Variants in GRM7 observed in about 807,000 individuals in gnomAD.
The protein encoded by GRM7 is metabotropic glutamate receptor 7.
Under a neutral mutation model 84.5 loss-of-function variants are expected in GRM7, and 35 were observed. The ratio of observed to expected loss-of-function variants is 0.41; its 90% CI spans 0.32 to 0.55. The LOEUF is 0.55. Among genes scored for constraint, GRM7 ranks in the 20% least tolerant of loss-of-function variants. The pLI is 0.19. For synonymous variants in GRM7, 487 were observed against 455.1 expected (o/e 1.07, Z -0.89); for missense variants, 1,003 against 1,194.6 (o/e 0.84, Z 2.36).
rs1460401015 is a variant in GRM7 at position 7,162,804 on chromosome 3, G to C, written c.736+16136G>C. Among the ~76,000 whole-genome samples the C allele has an allele frequency of 3.5e-5, 4 of 114,386 alleles. No homozygotes were observed. In the East Asian group the frequency reaches 1.1e-3, roughly 31 times the overall value. The allele number at this position is 114,386 out of a possible 152,430, so 75.0% of individuals were successfully genotyped here. ...AGATGGAGTCTCATTCTGTTGCCCAGGCTGGAGTGCAGTGGTGTGATCTCA... is the reference window on the plus strand; with the variant it reads ...AGATGGAGTCTCATTCTGTTGCCCACGCTGGAGTGCAGTGGTGTGATCTCA... On this transcript the variant is annotated intron_variant, in intron 2 of 9. Coordinates refer to ENST00000357716, the MANE Select transcript of GRM7 (RefSeq NM_000844.4).
intron 2 of GRM7, among the ~76,000 whole-genome samples, chr3:7,157,519 C>A (rs1436562462): frequency 6.6e-6 from 1 of 151,386 alleles, no homozygotes. Flanking sequence ...TCTTTTTCCT[C>A]TAACTAGATC....
At chr3:7,469,725 A>T (rs1698619268) in intron 7 of GRM7, among the ~76,000 whole-genome samples, 1 of 152,172 alleles carries the variant, frequency 6.6e-6, no homozygotes, top group South Asian at 2.1e-4. Context: ...ATTTAACCTG[A>T]CACCACAGTA....
At chr3:7,452,863 A>G (rs1697833432) in intron 6 of GRM7, 56 bp downstream of exon 6, 8 of 1,086,276 alleles carry the variant, frequency 7.4e-6, no homozygotes, top group Non-Finnish European at 1.1e-5. Flanking sequence ...ATTCTGTTTC[A>G]TAAGTTTTAA....
intron 1 of GRM7, among the ~76,000 whole-genome samples, chr3:6,979,911 A>G (rs1694132855): frequency 6.6e-6 from 1 of 152,156 alleles, no homozygotes; most frequent in African/African-American, 2.4e-5. Flanking sequence ...TCCAATATAT[A>G]CTGATGTGTA....
intron 2 of GRM7, among the ~76,000 whole-genome samples, chr3:7,282,495 T>C (rs1699287843): frequency 6.6e-6 from 1 of 152,216 alleles, no homozygotes. Context: ...ATGACACTTG[T>C]CATCACTAGA....
At chr3:7,500,645 T>C (rs1699855253) in intron 7 of GRM7, among the ~76,000 whole-genome samples, 1 of 152,232 alleles carries the variant, frequency 6.6e-6, no homozygotes, top group Non-Finnish European at 1.5e-5. Context: ...ATGGATTGGA[T>C]TGTTGTTTGT....
rs1243538570 is a variant in GRM7 at position 7,499,229 on chromosome 3, C to A, written c.1515+37507C>A. Among the ~76,000 whole-genome samples the A allele has an allele frequency of 3.9e-5, 6 of 152,194 alleles. No individual in the cohort carries two copies. The East Asian group carries it at 7.7e-4, about 20-fold the overall frequency. ...GCTTCTTTTCTGGCACTTGCAGGCACCCAGAAAGTGTCCCAGCAGAAACCA... is the reference window on the plus strand; with the variant it reads ...GCTTCTTTTCTGGCACTTGCAGGCAACCAGAAAGTGTCCCAGCAGAAACCA... On this transcript the variant is annotated intron_variant, in intron 7 of 9. Coordinates refer to ENST00000357716, the MANE Select transcript of GRM7 (RefSeq NM_000844.4).
intron 2 of GRM7, among the ~76,000 whole-genome samples, chr3:7,192,894 T>C (rs1342692006): frequency 6.6e-6 from 1 of 152,116 alleles, no homozygotes; most frequent in South Asian, 2.1e-4. Flanking sequence ...ATCCTGCCAA[T>C]AACCTCTTGG....
intron 1 of GRM7, chr3:6,892,764 G>T (rs1050659864): frequency 6.6e-6 from 1 of 152,166 alleles, no homozygotes; most frequent in South Asian, 2.1e-4. Context: ...CCTCTGTGCT[G>T]GGCCACAGGC....
intron 1 of GRM7, among the ~76,000 whole-genome samples, chr3:7,099,180 T>C (rs1559438649): frequency 6.7e-6 from 1 of 148,708 alleles, no homozygotes; most frequent in Non-Finnish European, 1.5e-5. Flanking sequence ...GCAGGTTTAA[T>C]TGCATATATA....
intron 7 of GRM7, among the ~76,000 whole-genome samples, chr3:7,516,476 C>CAAAAAAAAA (rs34508559): frequency 1.2e-4 from 5 of 42,468 alleles, no homozygotes; most frequent in Admixed American, 4.3e-4. Flanking sequence ...GACTCCCTCT[C>CAAAAAAAAA]AAAAAAAAAA....
intron 8 of GRM7, among the ~76,000 whole-genome samples, chr3:7,591,996 G>C (rs1344717027): frequency 1.3e-5 from 2 of 152,042 alleles, no homozygotes; most frequent in East Asian, 3.8e-4. Flanking sequence ...CAGTTTCCTT[G>C]TTTATAAAAT....
chr3:7,640,250 G>T (rs1315609244), intron 8 of GRM7, among the ~76,000 whole-genome samples: 1 of 152,204 alleles, frequency 6.6e-6, no homozygotes, highest in Non-Finnish European at 1.5e-5. Flanking sequence ...ATGGAAGCAA[G>T]ATAGCATGAT....
intron 7 of GRM7, among the ~76,000 whole-genome samples, chr3:7,571,617 T>C (rs1694663932): frequency 2.0e-5 from 3 of 152,126 alleles, no homozygotes; most frequent in African/African-American, 7.2e-5. Context: ...CTTTAGAGAG[T>C]TCCAAACTTT....
chr3:7,596,437 A>G (rs1379581602), intron 8 of GRM7, among the ~76,000 whole-genome samples: 1 of 152,216 alleles, frequency 6.6e-6, no homozygotes, highest in Non-Finnish European at 1.5e-5. Flanking sequence ...AGATGAGATC[A>G]TGTAGGCATA....
At chr3:6,988,874 A>G (rs1694525967) in intron 1 of GRM7, among the ~76,000 whole-genome samples, 1 of 152,228 alleles carries the variant, frequency 6.6e-6, no homozygotes, top group Non-Finnish European at 1.5e-5. Flanking sequence ...AGGCCACATA[A>G]GTAAATATTC....
chr3:7,726,138 T>C (rs185835065), intron 9 of GRM7, among the ~76,000 whole-genome samples: 3 of 152,252 alleles, frequency 2.0e-5, no homozygotes, highest in African/African-American at 7.2e-5. Flanking sequence ...TATTGGTCAA[T>C]CTAACAAAAA....
At chr3:7,193,093 A>G (rs1339439448) in intron 2 of GRM7, among the ~76,000 whole-genome samples, 3 of 151,958 alleles carry the variant, frequency 2.0e-5, no homozygotes, top group African/African-American at 7.3e-5. Context: ...TTGAACTACT[A>G]CCTTTAGACT....
At chr3:7,384,450 G>T (rs1009929566) in intron 4 of GRM7, among the ~76,000 whole-genome samples, 1 of 151,998 alleles carries the variant, frequency 6.6e-6, no homozygotes, top group African/African-American at 2.4e-5. Context: ...CTGTCCAATA[G>T]AAATATAATC....
Sources: allele counts gnomAD v4.1 joint callset (sites outside exome capture counted in the v4.1 genomes callset), GRCh38; gene constraint gnomAD v4.1.1; transcripts MANE v1.5; gene names NCBI Gene and HGNC (gene_info 2026-07-23, HGNC 2026-07-21).